Variants in COL26A1 observed in about 807,000 individuals in gnomAD.
COL26A1 encodes collagen type XXVI alpha 1 chain.
In COL26A1, 41 loss-of-function variants were observed where a neutral mutation model predicts 59.3. That is an observed-to-expected ratio of 0.69 (90% CI 0.54 to 0.90). The LOEUF is 0.90. Among genes scored for constraint, COL26A1 ranks in the 40% least tolerant of loss-of-function variants. The pLI, the probability that COL26A1 is intolerant of heterozygous loss-of-function variation, is 0.00. For synonymous variants in COL26A1, 266 were observed against 256.0 expected, an observed-to-expected ratio of 1.04 and a Z score of -0.37; for missense variants, 612 against 602.3, an observed-to-expected ratio of 1.02 and a Z score of -0.17.
intron 3 of COL26A1, among the ~76,000 whole-genome samples, chr7:101,474,172 G>C (rs928478988): frequency 6.6e-6 from 1 of 152,156 alleles, no homozygotes; most frequent in Non-Finnish European, 1.5e-5. Flanking sequence ...AGAAAGATGG[G>C]GTCAGGTGGT....
At chr7:101,455,818 G>A (rs6969501) in intron 3 of COL26A1, among the ~76,000 whole-genome samples, 25,699 of 152,058 alleles carry the variant, frequency 0.17, 3,056 homozygotes, top group East Asian at 0.33. Context: ...AAGTAGCTGG[G>A]ACTGCAGGTG....
intron 2 of COL26A1, among the ~76,000 whole-genome samples, chr7:101,437,036 C>T (rs1792932735): frequency 6.6e-6 from 1 of 152,140 alleles, no homozygotes; most frequent in East Asian, 1.9e-4. Context: ...GCACCCTGTT[C>T]GTTGAATGCT....
In COL26A1 at chr7:101,545,419, G is replaced by A. The variant is rs1417794852; in HGVS notation, c.785G>A (p.Gly262Asp). The A allele has an allele frequency of 1.2e-6, 2 of 1,607,662 alleles. No individual in the cohort carries two copies. Among genetic ancestry groups the A allele is most frequent in the Non-Finnish European group, 1.7e-6 (2 of 1,177,846 alleles). ...CCCCCAGGACCACCCGGCCCAGCAG[G>A]CAACCCAGGCCCCTCACCAAACAGC... Reference protein sequence around the residue: ...PGPPGPPGPAGNPGPSPNSPQ... With the variant: ...PGPPGPPGPADNPGPSPNSPQ... The change falls in exon 7 of 13, where the codon GGC becomes GAC. Residue 262 changes from glycine (G) to aspartate (D), a missense_variant. Transcript: ENST00000313669.
Position 101,557,666 on chromosome 7 carries a change from G to A in COL26A1, c.*136G>A, listed in dbSNP as rs988513230. 2 of 903,118 alleles carry A rather than the reference G, an allele frequency of 2.2e-6. No homozygotes were observed. The highest frequency in any genetic ancestry group is 1.7e-5 in the African/African-American group (1 of 59,808). 55.9% of individuals were successfully genotyped at this position (903,118 alleles called of 1,614,324 possible). A position where few individuals can be genotyped will look rare whatever the true frequency, so the allele number is the denominator to read the frequency against. ...TGATTGTGAGGACATGGGGGGCTTTGGGGACAGATAATGTCTCCAGGGGCA... is the reference window on the plus strand; with the variant it reads ...TGATTGTGAGGACATGGGGGGCTTTAGGGACAGATAATGTCTCCAGGGGCA... On this transcript the variant is annotated 3_prime_UTR_variant, in exon 13 of 13. Transcript: ENST00000313669.
rs540972951 is a variant in COL26A1 at position 101,397,740 on chromosome 7, G to T, written c.159-22237G>T. On this transcript the variant is annotated intron_variant, in intron 1 of 12. Coordinates refer to ENST00000313669, the MANE Select transcript of COL26A1 (RefSeq NM_001278563.3). ...TTGCAGAGACAAGGCATCTTGCTAG[G>T]TTGCCCAGGCTGGTCTCGAACTCCT... Among the ~76,000 whole-genome samples, 3 of 152,170 alleles carry T rather than the reference G, an allele frequency of 2.0e-5. No homozygotes were observed. In the East Asian group the frequency reaches 5.8e-4, roughly 29 times the overall value.
At chr7:101,455,854 T>A (rs1177338512) in intron 3 of COL26A1, among the ~76,000 whole-genome samples, 1 of 151,720 alleles carries the variant, frequency 6.6e-6, no homozygotes, top group Non-Finnish European at 1.5e-5. Context: ...GGCTAATATG[T>A]TTTGTATTTT....
chr7:101,433,841 C>T (rs560661200), intron 2 of COL26A1, among the ~76,000 whole-genome samples: 7 of 152,198 alleles, frequency 4.6e-5, no homozygotes, highest in Middle Eastern at 3.4e-3. Flanking sequence ...TCCCACCAAC[C>T]CAGGAGTGCC....
chr7:101,375,169 A>C (rs1791285011), intron 1 of COL26A1, among the ~76,000 whole-genome samples: 1 of 152,168 alleles, frequency 6.6e-6, no homozygotes, highest in African/African-American at 2.4e-5. Context: ...GCCCTGACTA[A>C]GTTGCCTGCC....
intron 3 of COL26A1, among the ~76,000 whole-genome samples, chr7:101,452,493 C>T (rs765060337): frequency 5.9e-5 from 9 of 152,110 alleles, no homozygotes; most frequent in African/African-American, 9.7e-5. Flanking sequence ...TACAGTCATG[C>T]GTGGCTTAAT....
At chr7:101,477,945 T>G (rs1325130509) in intron 3 of COL26A1, among the ~76,000 whole-genome samples, 1 of 152,200 alleles carries the variant, frequency 6.6e-6, no homozygotes. Context: ...TCTTTTACCC[T>G]TGTCAATTTC....
At chr7:101,424,428 T>C (rs1792596098) in intron 2 of COL26A1, among the ~76,000 whole-genome samples, 1 of 151,952 alleles carries the variant, frequency 6.6e-6, no homozygotes, top group Non-Finnish European at 1.5e-5. Flanking sequence ...TGAAACCCTG[T>C]GTCTACTAAA....
chr7:101,532,984 T>C, intron 3 of COL26A1, 98 bp from the exon 4 acceptor site: 1 of 876,552 alleles, frequency 1.1e-6, no homozygotes, highest in Non-Finnish European at 1.8e-6. Context: ...TGGAGATTTC[T>C]CTGCTTGCCT....
intron 1 of COL26A1, among the ~76,000 whole-genome samples, chr7:101,403,940 A>G (rs1447135132): frequency 6.6e-6 from 1 of 152,088 alleles, no homozygotes; most frequent in African/African-American, 2.4e-5. Context: ...TACTAAAAAT[A>G]TAAAATTTGC....
chr7:101,525,889 C>T (rs1194610939), intron 3 of COL26A1, among the ~76,000 whole-genome samples: 1 of 152,172 alleles, frequency 6.6e-6, no homozygotes, highest in Non-Finnish European at 1.5e-5. Flanking sequence ...TACACTGACA[C>T]CCCAATGCTA....
intron 3 of COL26A1, among the ~76,000 whole-genome samples, chr7:101,474,281 A>C (rs2130472191): frequency 6.6e-6 from 1 of 152,276 alleles, no homozygotes; most frequent in East Asian, 1.9e-4. Flanking sequence ...TCTGAGGAGG[A>C]AATGAATGAA....
chr7:101,490,081 C>CA (rs1794425554), intron 3 of COL26A1, among the ~76,000 whole-genome samples: 1 of 151,010 alleles, frequency 6.6e-6, no homozygotes, highest in Admixed American at 6.7e-5. Context: ...GGACTACAGG[C>CA]ACCTGCCACC....
At chr7:101,377,413 G>A (rs2117020904) in intron 1 of COL26A1, among the ~76,000 whole-genome samples, 1 of 152,238 alleles carries the variant, frequency 6.6e-6, no homozygotes, top group African/African-American at 2.4e-5. Flanking sequence ...GTCTCATGCA[G>A]CCAGCCTGCA....
Position 101,455,401 on chromosome 7 carries a change from G to A in COL26A1, c.385+7614G>A, listed in dbSNP as rs141028688. Among the ~76,000 whole-genome samples the A allele has an allele frequency of 4.5e-3, 692 of 152,098 alleles. 5 individuals are homozygous for A. Among genetic ancestry groups the A allele is most frequent in the African/African-American group, 0.015 (630 of 41,500 alleles). Reference sequence around the variant, plus strand: ...TTTAGTGCAGAAAACATAGAAACACGTAGTATTACACCTCTCACTTGGGTG... The same window carrying A: ...TTTAGTGCAGAAAACATAGAAACACATAGTATTACACCTCTCACTTGGGTG... On this transcript the variant is annotated intron_variant, in intron 3 of 12. Transcript: ENST00000313669.
chr7:101,521,872 C>G (rs1215138225), intron 3 of COL26A1, among the ~76,000 whole-genome samples: 3 of 152,230 alleles, frequency 2.0e-5, no homozygotes, highest in Non-Finnish European at 2.9e-5. Context: ...TGGAATCAGA[C>G]AGTAGGTACT....
Sources: allele counts gnomAD v4.1 joint callset (sites outside exome capture counted in the v4.1 genomes callset), GRCh38; gene constraint gnomAD v4.1.1; transcripts MANE v1.5; gene names NCBI Gene and HGNC (gene_info 2026-07-23, HGNC 2026-07-21).